Variants in NREP observed in about 807,000 individuals in gnomAD.
The protein encoded by NREP is neuronal regeneration-related protein.
A neutral mutation model predicts 8.6 loss-of-function variants in NREP; 5 were observed. That is an observed-to-expected ratio of 0.58 (90% CI 0.30 to 1.22). NREP has a LOEUF of 1.22. Ranked by LOEUF, NREP falls within the 50% of genes most tolerant of loss-of-function variation. NREP has a pLI of 0.07. For missense variants in NREP, 86 were observed against 82.5 expected (o/e 1.04, Z -0.17); for synonymous variants, 27 against 28.0 (o/e 0.96, Z 0.11).
At chr5:111,858,458 T>C (rs1466267523) in intron 2 of NREP, among the ~76,000 whole-genome samples, 1 of 152,158 alleles carries the variant, frequency 6.6e-6, no homozygotes, top group Middle Eastern at 3.2e-3. Context: ...AGCTTTTGAC[T>C]GAAAGGAGTA....
chr5:111,795,211 T>C (rs1401316010), intron 2 of NREP, among the ~76,000 whole-genome samples: 1 of 152,214 alleles, frequency 6.6e-6, no homozygotes, highest in Non-Finnish European at 1.5e-5. Context: ...AGATGGATCA[T>C]TATCAGATGC....
chr5:111,809,417 G>A (rs1425891247), intron 2 of NREP, among the ~76,000 whole-genome samples: 1 of 152,184 alleles, frequency 6.6e-6, no homozygotes, highest in African/African-American at 2.4e-5. Context: ...GATCTCTAAT[G>A]TGGCAGCATT....
chr5:111,963,492 T>C (rs893396464), intron 2 of NREP, among the ~76,000 whole-genome samples: 8 of 152,140 alleles, frequency 5.3e-5, no homozygotes, highest in African/African-American at 1.9e-4. Context: ...AATAGAGCAA[T>C]TTGAGAACTG....
intron 2 of NREP, among the ~76,000 whole-genome samples, chr5:111,871,915 G>A (rs545641866): frequency 2.7e-5 from 4 of 148,630 alleles, no homozygotes; most frequent in Admixed American, 6.7e-5. Context: ...GCATAATGAC[G>A]TTTCAGTGTG....
At chr5:111,875,393 G>T (rs1273134201) in intron 2 of NREP, among the ~76,000 whole-genome samples, 2 of 151,852 alleles carry the variant, frequency 1.3e-5, no homozygotes, top group African/African-American at 4.8e-5. Flanking sequence ...TCTTTTTCTG[G>T]AAAGCTGTCA....
At chr5:111,915,849 A>G (rs1248205798) in intron 2 of NREP, among the ~76,000 whole-genome samples, 1 of 152,160 alleles carries the variant, frequency 6.6e-6, no homozygotes, top group Non-Finnish European at 1.5e-5. Context: ...CGGCCTGTTC[A>G]TTGGTTATAA....
At chr5:111,880,178 C>T (rs1754015871) in intron 2 of NREP, among the ~76,000 whole-genome samples, 1 of 151,960 alleles carries the variant, frequency 6.6e-6, no homozygotes. Flanking sequence ...TTTTTCACCT[C>T]TCTCTGTTTA....
At chr5:111,753,345 T>C (rs983087151) in intron 2 of NREP, among the ~76,000 whole-genome samples, 54 of 147,278 alleles carry the variant, frequency 3.7e-4, no homozygotes, top group Admixed American at 2.4e-3. Flanking sequence ...TATATATATA[T>C]ATATATATGT....
intron 2 of NREP, among the ~76,000 whole-genome samples, chr5:111,945,435 C>A (rs1188513968): frequency 9.6e-6 from 1 of 104,052 alleles, no homozygotes; most frequent in Non-Finnish European, 1.8e-5. Flanking sequence ...CTCACCCCTC[C>A]CCCCACCCCA....
chr5:111,911,956 G>A (rs1754924353), intron 2 of NREP, among the ~76,000 whole-genome samples: 1 of 152,040 alleles, frequency 6.6e-6, no homozygotes, highest in Non-Finnish European at 1.5e-5. Flanking sequence ...GGATAACTAA[G>A]TTGTGGGGAG....
At chr5:111,811,030 G>A (rs1752257828) in intron 2 of NREP, among the ~76,000 whole-genome samples, 1 of 152,140 alleles carries the variant, frequency 6.6e-6, no homozygotes, top group African/African-American at 2.4e-5. Flanking sequence ...AGTAATTATA[G>A]AGCCTAAAAC....
chr5:111,889,274 G>T (rs1000209469), intron 2 of NREP, among the ~76,000 whole-genome samples: 1 of 152,204 alleles, frequency 6.6e-6, no homozygotes. Context: ...AGGAGCAAGA[G>T]AGAGTGGTGG....
intron 2 of NREP, among the ~76,000 whole-genome samples, chr5:111,915,853 G>A (rs1039427581): frequency 1.3e-5 from 2 of 152,168 alleles, no homozygotes; most frequent in South Asian, 2.1e-4. Context: ...CTGTTCATTG[G>A]TTATAACCAG....
chr5:111,861,442 G>A (rs936943337), intron 2 of NREP, among the ~76,000 whole-genome samples: 2 of 152,126 alleles, frequency 1.3e-5, no homozygotes, highest in Non-Finnish European at 2.9e-5. Flanking sequence ...ATGTTTTCAG[G>A]AAAGTCTTCC....
At chr5:111,736,445 A>C (rs997657620) in intron 2 of NREP, among the ~76,000 whole-genome samples, 1 of 152,238 alleles carries the variant, frequency 6.6e-6, no homozygotes, top group Non-Finnish European at 1.5e-5. Context: ...AAATTCTGCA[A>C]TAAATAAGCC....
At position 111,729,596 on chromosome 5, in the gene NREP, G is replaced by GTGTT. The variant is rs775636160; in HGVS notation, c.*1321_*1324dup. Reference sequence around the variant, plus strand: ...AAGAAGTGCAGTGCATGCGTCATCGGTGTTTAACAGTCAGAAGCGAAACAG... The same window carrying GTGTT: ...AAGAAGTGCAGTGCATGCGTCATCGGTGTTTGTTTAACAGTCAGAAGCGAAACAG... On this transcript the variant is annotated 3_prime_UTR_variant, in exon 4 of 4. Transcript: ENST00000257435. 1.3e-5 allele frequency: 2 copies of GTGTT among 152,650 alleles called. No homozygotes were observed. Among genetic ancestry groups the GTGTT allele is most frequent in the Admixed American group, 6.5e-5 (1 of 15,280 alleles). The allele number at this position is 152,650 out of a possible 1,614,324, so 9.5% of individuals were successfully genotyped here. A position where few individuals can be genotyped will look rare whatever the true frequency, so the allele number is the denominator to read the frequency against.
chr5:111,802,453 AC>A (rs1276673992), intron 2 of NREP, among the ~76,000 whole-genome samples: 1 of 152,200 alleles, frequency 6.6e-6, no homozygotes, highest in Non-Finnish European at 1.5e-5. Flanking sequence ...TGGACTTGGT[AC>A]CTAATGCAGG....
At position 111,898,151 on chromosome 5, in the gene NREP, G is replaced by C. The variant is rs182808066; in HGVS notation, c.135+77123C>G. Among the ~76,000 whole-genome samples, 11 of 152,296 alleles carry C rather than the reference G, an allele frequency of 7.2e-5. No individual in the cohort carries two copies. The South Asian group carries it at 1.4e-3, about 20-fold the overall frequency. On this transcript the variant is annotated intron_variant, in intron 2 of 3. Transcript: ENST00000395634. The stretch of plus-strand genomic sequence containing the variant: ...CCACTGGAGAGTTTTGAGCAGAGCA[G>C]TGGCGTAATCTAATTTAAAGGCTCA...
intron 2 of NREP, among the ~76,000 whole-genome samples, chr5:111,771,723 A>AT (rs918366205): frequency 8.0e-5 from 12 of 150,364 alleles, no homozygotes; most frequent in African/African-American, 2.2e-4. Flanking sequence ...AGATCATGCC[A>AT]TTGCACTCCA....
Sources: gnomAD v4.1 joint callset for allele counts (sites outside exome capture counted in the v4.1 genomes callset) on GRCh38, gnomAD v4.1.1 for gene constraint, MANE v1.5 for transcripts, NCBI Gene and HGNC (gene_info 2026-07-23, HGNC 2026-07-21) for gene names.